ZNF679: variants seen among roughly 807,000 people sequenced by gnomAD.
The protein encoded by ZNF679 is hypothetical protein MGC42415.
A neutral mutation model predicts 13.4 loss-of-function variants in ZNF679; 10 were observed. That is an observed-to-expected ratio of 0.75 (90% CI 0.46 to 1.27). The LOEUF (loss-of-function observed/expected upper bound fraction) is 1.27. ZNF679 is among the 50% of genes most tolerant of loss of function. The probability of loss-of-function intolerance (pLI) is 0.00; values close to 1 mark genes in which losing one functional copy is unlikely to be tolerated. For synonymous variants in ZNF679, 179 were observed against 162.5 expected (o/e 1.10, Z -0.77); for missense variants, 525 against 477.8 (o/e 1.10, Z -0.92).
chr7:64,251,143 A>G (rs1584233016), intron 2 of ZNF679, among the ~76,000 whole-genome samples: 2 of 152,260 alleles, frequency 1.3e-5, no homozygotes, highest in Non-Finnish European at 1.5e-5. Flanking sequence ...TTTCCCGTTT[A>G]TAAATATTTC....
At chr7:64,239,949 A>C (rs1005691057) in intron 1 of ZNF679, among the ~76,000 whole-genome samples, 16 of 152,200 alleles carry the variant, frequency 1.1e-4, no homozygotes, top group Middle Eastern at 3.4e-3. Context: ...CCCAGCCCAC[A>C]AGTGGCACTG....
At chr7:64,258,058 G>A (rs1788025976) in intron 2 of ZNF679, among the ~76,000 whole-genome samples, 2 of 152,182 alleles carry the variant, frequency 1.3e-5, no homozygotes, top group South Asian at 2.1e-4. Context: ...TTGGTAGGAA[G>A]AGGTCAGTGC....
At chr7:64,263,064 G>GA (rs1788099168) in intron 4 of ZNF679, among the ~76,000 whole-genome samples, 1 of 152,010 alleles carries the variant, frequency 6.6e-6, no homozygotes, top group Non-Finnish European at 1.5e-5. Context: ...GTTTTGGTTA[G>GA]AAAAAATAGG....
At chr7:64,242,067 C>A (rs1248923933) in intron 1 of ZNF679, among the ~76,000 whole-genome samples, 1 of 152,206 alleles carries the variant, frequency 6.6e-6, no homozygotes, top group Non-Finnish European at 1.5e-5. Flanking sequence ...ACAGCCCGAA[C>A]CCCACTTATA....
intron 1 of ZNF679, among the ~76,000 whole-genome samples, chr7:64,248,370 C>T (rs1251227789): frequency 6.6e-6 from 1 of 152,054 alleles, no homozygotes; most frequent in Non-Finnish European, 1.5e-5. Flanking sequence ...GCAAACTCCC[C>T]CTCCCGGGTT....
At chr7:64,252,131 G>A (rs529854518) in intron 2 of ZNF679, among the ~76,000 whole-genome samples, 1 of 152,306 alleles carries the variant, frequency 6.6e-6, no homozygotes, top group African/African-American at 2.4e-5. Context: ...GCACGGTGCA[G>A]TGTCTCCTGG....
intron 1 of ZNF679, among the ~76,000 whole-genome samples, chr7:64,247,586 G>A (rs1447221027): frequency 1.4e-5 from 2 of 141,806 alleles, no homozygotes; most frequent in Admixed American, 7.2e-5. Context: ...TGAGACAGTC[G>A]CTCTGTCACC....
In ZNF679 at chr7:64,230,983, C is replaced by T. The variant is rs1454116327; in HGVS notation, c.-91+2331C>T. Among the ~76,000 whole-genome samples the T allele has an allele frequency of 2.0e-5, 3 of 152,222 alleles. No individual in the cohort carries two copies. In the East Asian group the frequency reaches 5.8e-4, roughly 29 times the overall value. On this transcript the variant is annotated intron_variant, in intron 1 of 4. Coordinates refer to ENST00000421025, the MANE Select transcript of ZNF679 (RefSeq NM_153363.3). ...TGTCTCTGAGCAGAAGATTCAGAAG[C>T]TCAGCAGTGACTGGGCTGTGTCCAT... is the stretch of plus-strand genomic sequence containing the variant.
chr7:64,257,621 T>C (rs1788020310), intron 2 of ZNF679, among the ~76,000 whole-genome samples: 2 of 152,162 alleles, frequency 1.3e-5, no homozygotes, highest in African/African-American at 4.8e-5. Context: ...TAATAAACAT[T>C]TTATTAGTAC....
intron 2 of ZNF679, 47 bp from the exon 3 acceptor site, chr7:64,260,174 G>C: frequency 6.5e-7 from 1 of 1,539,704 alleles, no homozygotes; most frequent in Non-Finnish European, 8.8e-7. Flanking sequence ...CATAGTAAGT[G>C]TTTGTGTGTT....
At chr7:64,260,430 A>T (rs184568657) in intron 3 of ZNF679, 83 bp downstream of exon 3, 2 of 1,538,568 alleles carry the variant, frequency 1.3e-6, no homozygotes, top group Admixed American at 4.5e-5. Context: ...TCTGCTTTGC[A>T]TGAGTGAATT....
At chr7:64,261,227 T>C (rs1788073403) in intron 4 of ZNF679, among the ~76,000 whole-genome samples, 1 of 152,094 alleles carries the variant, frequency 6.6e-6, no homozygotes, top group Non-Finnish European at 1.5e-5. Flanking sequence ...GGGGGCATGC[T>C]AATATCTGCA....
chr7:64,241,154 A>C (rs1787793335), intron 1 of ZNF679, among the ~76,000 whole-genome samples: 1 of 152,176 alleles, frequency 6.6e-6, no homozygotes, highest in Non-Finnish European at 1.5e-5. Context: ...GTAGCACTTG[A>C]GGGCTTCATA....
chr7:64,259,957 G>GA (rs937948601), intron 2 of ZNF679, among the ~76,000 whole-genome samples: 3 of 151,656 alleles, frequency 2.0e-5, no homozygotes, highest in Non-Finnish European at 4.4e-5. Flanking sequence ...AAAAAGAAAA[G>GA]AAAAAAATAG....
chr7:64,252,374 G>A lies in ZNF679; in HGVS notation c.39+3218G>A, dbSNP rs141843094. On this transcript the variant is annotated intron_variant, in intron 2 of 4. Coordinates refer to ENST00000421025, the MANE Select transcript of ZNF679 (RefSeq NM_153363.3). ...ATGTAACAAAATATTTACAAAGGTCGTGAAAGAGATGAGTTTCAGAAAAAA... is the reference window on the plus strand; with the variant it reads ...ATGTAACAAAATATTTACAAAGGTCATGAAAGAGATGAGTTTCAGAAAAAA... 7.2e-5 allele frequency among the ~76,000 whole-genome samples: 11 copies of A among 152,290 alleles called. No homozygotes were observed. In the East Asian group the frequency reaches 1.5e-3, roughly 21 times the overall value.
chr7:64,253,877 G>A (rs1205737636), intron 2 of ZNF679, among the ~76,000 whole-genome samples: 1 of 152,128 alleles, frequency 6.6e-6, no homozygotes. Flanking sequence ...AAGGTCAGAA[G>A]CCCTGGGAAA....
chr7:64,239,839 T>C (rs1014955811), intron 1 of ZNF679, among the ~76,000 whole-genome samples: 13 of 152,260 alleles, frequency 8.5e-5, no homozygotes, highest in African/African-American at 2.9e-4. Flanking sequence ...CTTGTCAACA[T>C]GATGATGTGA....
chr7:64,237,149 C>T (rs1303209511), intron 1 of ZNF679, among the ~76,000 whole-genome samples: 1 of 152,106 alleles, frequency 6.6e-6, no homozygotes, highest in Non-Finnish European at 1.5e-5. Context: ...ATGGATGACC[C>T]AGAATCCTAG....
At chr7:64,257,527 C>A (rs1205550860) in intron 2 of ZNF679, among the ~76,000 whole-genome samples, 3 of 152,236 alleles carry the variant, frequency 2.0e-5, no homozygotes, top group Non-Finnish European at 2.9e-5. Context: ...AGTAGCAACT[C>A]CCAGAGTATG....
Sources: allele counts gnomAD v4.1 joint callset (sites outside exome capture counted in the v4.1 genomes callset), GRCh38; gene constraint gnomAD v4.1.1; transcripts MANE v1.5; gene names NCBI Gene and HGNC (gene_info 2026-07-23, HGNC 2026-07-21).